NUB1: variants seen among roughly 807,000 people sequenced by gnomAD.
NUB1 encodes negative regulator of ubiquitin like proteins 1, also known as NEDD8 ultimate buster 1.
NUB1 carries 41 observed loss-of-function variants against 77.1 expected under a neutral mutation model. The ratio of observed to expected loss-of-function variants is 0.53; its 90% CI spans 0.41 to 0.69. The LOEUF (loss-of-function observed/expected upper bound fraction) is 0.69, where lower values mean the gene tolerates loss of function less well. Ranked by LOEUF, NUB1 falls within the 30% of genes least tolerant of loss-of-function variation. NUB1 has a pLI of 0.00. For missense variants in NUB1, 643 were observed against 743.8 expected, an observed-to-expected ratio of 0.86 and a Z score of 1.58; for synonymous variants, 257 against 281.0, an observed-to-expected ratio of 0.91 and a Z score of 0.85.
In NUB1 at chr7:151,345,332, A is replaced by AT; in HGVS notation, c.-2-14dup. 1 of 1,486,608 alleles carries AT rather than the reference A, an allele frequency of 6.7e-7. No homozygotes were observed. Among genetic ancestry groups the AT allele is most frequent in the Non-Finnish European group, 9.4e-7 (1 of 1,068,066 alleles). The allele number at this position is 1,486,608 out of a possible 1,614,324, so 92.1% of individuals were successfully genotyped here. ...ATGCGATGTGGAGTTTTATTAATGTATTGTTTTGCTTTCAGGGATGGCACA... is the reference window on the plus strand; with the variant it reads ...ATGCGATGTGGAGTTTTATTAATGTATTTGTTTTGCTTTCAGGGATGGCACA... On this transcript the variant is annotated splice_polypyrimidine_tract_variant and intron_variant, in intron 1 of 14. Coordinates refer to ENST00000568733, the MANE Select transcript of NUB1 (RefSeq NM_001243351.2).
intron 13 of NUB1, 107 bp from the exon 14 acceptor site, chr7:151,376,527 C>T (rs752472598): frequency 1.6e-5 from 17 of 1,082,830 alleles, no homozygotes; most frequent in Middle Eastern, 3.0e-4. Flanking sequence ...ATGGTGCACA[C>T]GCCGGGAGCT....
At chr7:151,374,454 G>A (rs1006995405) in intron 12 of NUB1, 2 of 652,270 alleles carry the variant, frequency 3.1e-6, no homozygotes, top group African/African-American at 3.6e-5. Flanking sequence ...GCCCAGGCCT[G>A]GCTCCAAAAC....
chr7:151,359,725 C>T (rs10262761), intron 7 of NUB1, among the ~76,000 whole-genome samples: 11,825 of 152,090 alleles, frequency 0.078, 594 homozygotes, highest in African/African-American at 0.14. Context: ...TGCAGTGACC[C>T]GAGATCGCAC....
chr7:151,376,608 G>C (rs1207852135), intron 13 of NUB1, 26 bp from the exon 14 acceptor site: 1 of 1,578,708 alleles, frequency 6.3e-7, no homozygotes, highest in Middle Eastern at 1.8e-4. Context: ...AGGGGCTGAT[G>C]CTGTGACCCC....
intron 11 of NUB1, among the ~76,000 whole-genome samples, chr7:151,373,171 C>G (rs1028278865): frequency 3.9e-5 from 6 of 152,150 alleles, no homozygotes; most frequent in Non-Finnish European, 4.4e-5. Flanking sequence ...TTTTCTCCCC[C>G]GTCCTCGCTG....
At chr7:151,349,544 A>T (rs1796687065) in intron 3 of NUB1, among the ~76,000 whole-genome samples, 1 of 152,258 alleles carries the variant, frequency 6.6e-6, no homozygotes, top group Admixed American at 6.5e-5. Context: ...CAAGTTTCCT[A>T]GAAGCCTGTG....
At chr7:151,375,126 C>T (rs960855912) in intron 12 of NUB1, among the ~76,000 whole-genome samples, 1 of 152,190 alleles carries the variant, frequency 6.6e-6, no homozygotes. Context: ...GGGAGTCCAC[C>T]CTGCCTTTGC....
intron 9 of NUB1, 144 bp from the exon 10 acceptor site, chr7:151,367,717 T>C (rs1384148010): frequency 1.7e-6 from 1 of 585,472 alleles, no homozygotes; most frequent in Non-Finnish European, 3.0e-6. Flanking sequence ...GCTTCACTTT[T>C]GCCGTCAGTC....
intron 8 of NUB1, among the ~76,000 whole-genome samples, chr7:151,361,674 A>G (rs1198275965): frequency 6.6e-6 from 1 of 152,174 alleles, no homozygotes; most frequent in Non-Finnish European, 1.5e-5. Flanking sequence ...GATGAATGCA[A>G]ATATTTATAG....
Position 151,376,727 on chromosome 7 carries a change from A to G in NUB1, c.1585A>G (p.Asn529Asp). Residue 529 changes from asparagine to aspartate, a missense_variant, in exon 14 of 15, where the codon AAC becomes GAC. Coordinates refer to ENST00000568733, the MANE Select transcript of NUB1 (RefSeq NM_001243351.2). ...VQLAAQTLAH[N>D]GGSLPPELPL... ...GCTGGCCGCCCAGACCCTTGCTCAC[A>G]ACGGAGGAAGCCTGCCTCCCGAGCT... 6.2e-7 allele frequency: 1 copy of G among 1,605,860 alleles called. No individual in the cohort carries two copies. Among genetic ancestry groups the G allele is most frequent in the Non-Finnish European group, 8.5e-7 (1 of 1,176,770 alleles).
At chr7:151,365,452 G>A (rs1424984264) in intron 8 of NUB1, among the ~76,000 whole-genome samples, 1 of 151,970 alleles carries the variant, frequency 6.6e-6, no homozygotes, top group Non-Finnish European at 1.5e-5. Context: ...AAACATGAAC[G>A]AGCCTGTTAA....
chr7:151,368,666 G>A, intron 10 of NUB1, 69 bp from the exon 11 acceptor site: 2 of 1,467,960 alleles, frequency 1.4e-6, no homozygotes, highest in Non-Finnish European at 1.8e-6. Context: ...ATTTCTTTTA[G>A]GCTTTCACTT....
Position 151,366,986 on chromosome 7 carries a change from T to C in NUB1, c.848T>C (p.Leu283Pro). The C allele has an allele frequency of 6.2e-7, 1 of 1,613,628 alleles. No homozygotes were observed. The highest frequency in any genetic ancestry group is 8.5e-7 in the Non-Finnish European group (1 of 1,179,682). Residue 283 changes from leucine (L) to proline (P), a missense_variant, in exon 9 of 15, where the codon CTC becomes CCC. Physicochemically the swap from Leu to Pro is moderately conservative, Grantham distance 98. Coordinates refer to ENST00000568733, the MANE Select transcript of NUB1 (RefSeq NM_001243351.2). ...LLDTVDNYAV[L>P]QLDIVWCYFR... The stretch of plus-strand genomic sequence containing the variant: ...GACACAGTGGATAACTACGCCGTCC[T>C]CCAGCTGGATATAGTGTGGTGTTAC...
rs762070082 is a variant in NUB1, at chr7:151,355,847, G to A, written c.495G>A (p.Ala165=). The change falls in exon 6 of 15, where the codon GCG becomes GCA. Residue 165 remains alanine (A), a synonymous_variant. Coordinates refer to ENST00000568733, the MANE Select transcript of NUB1 (RefSeq NM_001243351.2). Reference sequence around the variant, plus strand: ...AACTAAAACAATCTGAAGAGGACGCGAGGAAAAACTTCCAGTTAGAGGAAG... The same window carrying A: ...AACTAAAACAATCTGAAGAGGACGCAAGGAAAAACTTCCAGTTAGAGGAAG... ...VLELKQSEED[A]RKNFQLEEEE... is the part of the protein sequence containing the mutation. The A allele has an allele frequency of 6.8e-6, 11 of 1,612,888 alleles. No homozygotes were observed. Among genetic ancestry groups the A allele is most frequent in the Non-Finnish European group, 8.5e-6 (10 of 1,179,440 alleles).
At chr7:151,364,906 CAG>C (rs927257767) in intron 8 of NUB1, among the ~76,000 whole-genome samples, 36 of 152,166 alleles carry the variant, frequency 2.4e-4, no homozygotes, top group Middle Eastern at 3.4e-3. Context: ...GAAAATGTAA[CAG>C]TGTTGAATAT....
intron 11 of NUB1, among the ~76,000 whole-genome samples, chr7:151,371,278 A>G (rs1797943340): frequency 6.6e-6 from 1 of 152,228 alleles, no homozygotes; most frequent in African/African-American, 2.4e-5. Context: ...TAAAAAGTCC[A>G]GAAGTAGGAT....
chr7:151,361,620 T>C (rs897039902), intron 8 of NUB1, among the ~76,000 whole-genome samples: 1 of 152,254 alleles, frequency 6.6e-6, no homozygotes, highest in Non-Finnish European at 1.5e-5. Flanking sequence ...TAACTTCTTT[T>C]CTGTTTTGGT....
chr7:151,366,960 G>A lies in NUB1; in HGVS notation c.822G>A (p.Leu274=), dbSNP rs1184590604. The A allele has an allele frequency of 1.2e-6, 2 of 1,612,182 alleles. No individual in the cohort carries two copies. The highest frequency in any genetic ancestry group is 2.2e-5 in the South Asian group (2 of 90,720). Residue 274 remains leucine, a synonymous_variant, in exon 9 of 15, where the codon CTG becomes CTA. Transcript: ENST00000568733. ...KYFCECCREL[L]DTVDNYAVLQ... is the part of the protein sequence containing the mutation. ...CCAGTGAGTGTTGCAGAGAGCTGCT[G>A]GACACAGTGGATAACTACGCCGTCC...
intron 13 of NUB1, chr7:151,376,421 CT>C: frequency 1.8e-6 from 1 of 554,956 alleles, no homozygotes; most frequent in Non-Finnish European, 3.2e-6. Context: ...CCTGAGATGG[CT>C]GCTCCCTGAC....
Sources: gnomAD v4.1 joint callset for allele counts (sites outside exome capture counted in the v4.1 genomes callset) on GRCh38, gnomAD v4.1.1 for gene constraint, MANE v1.5 for transcripts, NCBI Gene and HGNC (gene_info 2026-07-23, HGNC 2026-07-21) for gene names.